RBFOX1: variants seen among roughly 807,000 people sequenced by gnomAD.
RBFOX1 encodes RNA binding fox-1 homolog 1.
Under a neutral mutation model 57.7 loss-of-function variants are expected in RBFOX1, and 8 were observed. The observed-to-expected ratio is 0.14, with a 90% CI of 0.08 to 0.25. RBFOX1 has a LOEUF of 0.25. Ranked by LOEUF, RBFOX1 falls within the 10% of genes least tolerant of loss-of-function variation. RBFOX1 has a pLI of 1.00. For missense variants in RBFOX1, 611 were observed against 548.5 expected, an observed-to-expected ratio of 1.11 and a Z score of -1.14; for synonymous variants, 326 against 222.4, an observed-to-expected ratio of 1.47 and a Z score of -4.15.
chr16:7,135,804 A>G (rs2071770268), intron 4 of RBFOX1, among the ~76,000 whole-genome samples: 2 of 152,174 alleles, frequency 1.3e-5, no homozygotes, highest in East Asian at 1.9e-4. Context: ...GCCTCATTCC[A>G]CTTATTTCTA....
At chr16:7,668,661 A>AC (rs1555744518) in intron 13 of RBFOX1, among the ~76,000 whole-genome samples, 1 of 150,238 alleles carries the variant, frequency 6.7e-6, no homozygotes, top group Non-Finnish European at 1.5e-5. Flanking sequence ...AACAGAACAG[A>AC]ACACACACAC....
At chr16:7,008,378 C>T (rs2093421581) in intron 3 of RBFOX1, among the ~76,000 whole-genome samples, 1 of 152,038 alleles carries the variant, frequency 6.6e-6, no homozygotes, top group South Asian at 2.1e-4. Flanking sequence ...CCTGTCTCTA[C>T]TAAAAATACA....
intron 2 of RBFOX1, among the ~76,000 whole-genome samples, chr16:6,557,012 T>TATAC (rs201147351): frequency 1.1e-4 from 15 of 137,378 alleles, no homozygotes; most frequent in African/African-American, 4.4e-4. Context: ...TATACATATA[T>TATAC]ATACATATAT....
intron 4 of RBFOX1, among the ~76,000 whole-genome samples, chr16:6,009,484 A>C (rs1341709156): frequency 6.6e-6 from 1 of 152,158 alleles, no homozygotes; most frequent in East Asian, 1.9e-4. Flanking sequence ...GGGACTTAGA[A>C]ATGGCACTTC....
chr16:6,629,356 GT>G (rs2098354051), intron 2 of RBFOX1, among the ~76,000 whole-genome samples: 1 of 152,174 alleles, frequency 6.6e-6, no homozygotes, highest in African/African-American at 2.4e-5. Context: ...AGTGTTGCTC[GT>G]TTAATTGAGG....
chr16:5,252,985 T>G (rs2062490954), intron 1 of RBFOX1, among the ~76,000 whole-genome samples: 1 of 152,190 alleles, frequency 6.6e-6, no homozygotes, highest in South Asian at 2.1e-4. Flanking sequence ...TTGTCTTGGA[T>G]CCACCGCCGG....
At chr16:6,689,391 G>C (rs1229359696) in intron 3 of RBFOX1, among the ~76,000 whole-genome samples, 2 of 152,088 alleles carry the variant, frequency 1.3e-5, no homozygotes, top group Non-Finnish European at 2.9e-5. Context: ...AGATTTATTT[G>C]ATGTGGGCAA....
chr16:7,115,290 G>A (rs12928254), intron 4 of RBFOX1, among the ~76,000 whole-genome samples: 16,522 of 152,130 alleles, frequency 0.11, 1,108 homozygotes, highest in South Asian at 0.2. Flanking sequence ...ATGTATTTTT[G>A]ATTACTTGTG....
intron 4 of RBFOX1, among the ~76,000 whole-genome samples, chr16:7,150,041 A>G (rs2152274069): frequency 6.6e-6 from 1 of 152,230 alleles, no homozygotes; most frequent in East Asian, 1.9e-4. Flanking sequence ...TACAACTCTT[A>G]GGGGAAGCTA....
intron 3 of RBFOX1, among the ~76,000 whole-genome samples, chr16:5,731,720 C>G (rs914520836): frequency 2.0e-5 from 3 of 152,062 alleles, no homozygotes; most frequent in African/African-American, 7.2e-5. Context: ...ATGGCAAATG[C>G]AAGAAGAAAT....
intron 2 of RBFOX1, among the ~76,000 whole-genome samples, chr16:6,350,334 G>A (rs917820071): frequency 3.3e-5 from 5 of 151,220 alleles, no homozygotes; most frequent in South Asian, 2.1e-4. Context: ...CTATCTACTC[G>A]GGAGGCTGAG....
chr16:5,263,891 G>C (rs1281243215), intron 1 of RBFOX1, among the ~76,000 whole-genome samples: 3 of 152,200 alleles, frequency 2.0e-5, no homozygotes, highest in East Asian at 3.8e-4. Context: ...GTCTACCATA[G>C]AGTTGGATGG....
At chr16:5,241,469 A>C (rs986790083) in intron 1 of RBFOX1, among the ~76,000 whole-genome samples, 9 of 152,226 alleles carry the variant, frequency 5.9e-5, no homozygotes, top group African/African-American at 1.9e-4. Context: ...CCAGGATACT[A>C]GAATGCAGTG....
intron 5 of RBFOX1, among the ~76,000 whole-genome samples, chr16:7,540,578 C>G (rs2082650363): frequency 6.6e-6 from 1 of 152,238 alleles, no homozygotes; most frequent in African/African-American, 2.4e-5. Flanking sequence ...CTGATGATCA[C>G]TGACTGCTCT....
At chr16:6,659,869 C>G (rs573446450) in intron 3 of RBFOX1, among the ~76,000 whole-genome samples, 5 of 152,204 alleles carry the variant, frequency 3.3e-5, no homozygotes, top group Admixed American at 2.6e-4. Flanking sequence ...TTTCCAAAGA[C>G]CTGATTCGGT....
intron 4 of RBFOX1, among the ~76,000 whole-genome samples, chr16:7,448,124 T>C (rs902375432): frequency 1.3e-5 from 2 of 152,366 alleles, no homozygotes; most frequent in South Asian, 4.1e-4. Flanking sequence ...AAAGGATGAA[T>C]GGCAGCTGCC....
chr16:6,752,546 G>A (rs942995606), intron 3 of RBFOX1, among the ~76,000 whole-genome samples: 1 of 152,118 alleles, frequency 6.6e-6, no homozygotes, highest in Non-Finnish European at 1.5e-5. Flanking sequence ...GCAAGTTAGC[G>A]CATTCCTAAA....
intron 4 of RBFOX1, among the ~76,000 whole-genome samples, chr16:5,935,392 T>C (rs1255807505): frequency 6.6e-6 from 1 of 152,112 alleles, no homozygotes; most frequent in Non-Finnish European, 1.5e-5. Context: ...GCCTGTATTG[T>C]GGTTTCTGTG....
At chr16:6,509,875 A>G (rs1414469678) in intron 2 of RBFOX1, among the ~76,000 whole-genome samples, 1 of 152,200 alleles carries the variant, frequency 6.6e-6, no homozygotes, top group Non-Finnish European at 1.5e-5. Context: ...ACTGTAGGAG[A>G]AGTCAGATTT....
Sources: allele counts gnomAD v4.1 joint callset (sites outside exome capture counted in the v4.1 genomes callset), GRCh38; gene constraint gnomAD v4.1.1; transcripts MANE v1.5; gene names NCBI Gene and HGNC (gene_info 2026-07-23, HGNC 2026-07-21).